APOE: variants seen among roughly 807,000 people sequenced by gnomAD.
The protein encoded by APOE is apolipoprotein E3.
APOE carries 10 observed loss-of-function variants against 13.1 expected under a neutral mutation model. The ratio of observed to expected loss-of-function variants is 0.76; its 90% CI spans 0.47 to 1.29. APOE has a LOEUF of 1.29. Among genes scored for constraint, APOE ranks in the 50% most tolerant of loss-of-function variants. APOE has a pLI of 0.00. For missense variants in APOE, 471 were observed against 459.6 expected, an observed-to-expected ratio of 1.02 and a Z score of -0.23; for synonymous variants, 211 against 207.1, an observed-to-expected ratio of 1.02 and a Z score of -0.16.
At position 44,908,566 on chromosome 19, in the gene APOE, G is replaced by A; in HGVS notation, c.270G>A (p.Lys90=). ...ALMDETMKEL[K]AYKSELEEQL... The stretch of plus-strand genomic sequence containing the variant: ...TGGACGAGACCATGAAGGAGTTGAA[G>A]GCCTACAAATCGGAACTGGAGGAAC... Residue 90 remains lysine (K), a synonymous_variant, in exon 4 of 4, where the codon AAG becomes AAA. Coordinates refer to ENST00000252486, the MANE Select transcript of APOE (RefSeq NM_000041.4). The A allele has an allele frequency of 6.2e-7, 1 of 1,613,724 alleles. No individual in the cohort carries two copies. Among genetic ancestry groups the A allele is most frequent in the Non-Finnish European group, 8.5e-7 (1 of 1,179,708 alleles).
At chr19:44,905,956 T>G in intron 1 of APOE, 115 bp downstream of exon 1, 1 of 1,285,364 alleles carries the variant, frequency 7.8e-7, no homozygotes, top group South Asian at 1.3e-5. Flanking sequence ...GGGTCGGGCT[T>G]GGGGAGAGGA....
chr19:44,909,107 C>T lies in APOE; in HGVS notation c.811C>T (p.Gln271Ter). 3 of 1,589,686 alleles carry T rather than the reference C, an allele frequency of 1.9e-6. No homozygotes were observed. Among genetic ancestry groups the T allele is most frequent in the Non-Finnish European group, 1.7e-6 (2 of 1,173,304 alleles). ...GGAGCAGGCCCAGCAGATACGCCTG[C>T]AGGCCGAGGCCTTCCAGGCCCGCCT... ...LEEQAQQIRLQAEAFQARLKS... is the reference protein window; with the variant it reads ...LEEQAQQIRL The change falls in exon 4 of 4, where the codon CAG becomes TAG. Residue 271 changes from glutamine (Q) to a stop codon, truncating the protein, a stop_gained. Transcript: ENST00000252486. LOFTEE classifies it low-confidence loss of function (END_TRUNC).
In APOE at chr19:44,907,585, A is replaced by G. The variant is rs766591328; in HGVS notation, c.44-175A>G. ...GCACTCCAGCCTGGGTGACAGAGCA[A>G]GACCCTGTTTATAAATACATAATGC... On this transcript the variant is annotated intron_variant, in intron 2 of 3. Transcript: ENST00000252486. This position sits in a 1 kb window ranked among gnomAD's most constrained non-coding sequence, Gnocchi z 4.1. 6.6e-6 allele frequency among the ~76,000 whole-genome samples: 1 copy of G among 152,182 alleles called. No homozygotes were observed. The highest frequency in any genetic ancestry group is 1.5e-5 in the Non-Finnish European group (1 of 68,032).
At position 44,906,639 on chromosome 19, in the gene APOE, G is replaced by A. The variant is rs777551553; in HGVS notation, c.15G>A (p.Trp5Ter). 1.2e-6 allele frequency: 2 copies of A among 1,614,068 alleles called. No homozygotes were observed. The highest frequency in any genetic ancestry group is 8.5e-7 in the Non-Finnish European group (1 of 1,180,006). MKVL[W>*]AALLVTFLAG... ...CAGGCAGGAAGATGAAGGTTCTGTG[G>A]GCTGCGTTGCTGGTCACATTCCTGG... The change falls in exon 2 of 4, where the codon TGG (tryptophan) becomes TGA (stop). Residue 5 changes from tryptophan (W) to a stop codon, truncating the protein, a stop_gained. Transcript: ENST00000252486. LOFTEE classifies it high-confidence loss of function.
In APOE at chr19:44,907,824, C is replaced by G. The variant is rs755434388; in HGVS notation, c.108C>G (p.Thr36=). Residue 36 remains threonine, a synonymous_variant, in exon 3 of 4, where the codon ACC becomes ACG. Transcript: ENST00000252486. This position sits in a 1 kb window ranked among gnomAD's most constrained non-coding sequence, Gnocchi z 4.1. The stretch of plus-strand genomic sequence containing the variant: ...CGGAGCCCGAGCTGCGCCAGCAGAC[C>G]GAGTGGCAGAGCGGCCAGCGCTGGG... ...TEPEPELRQQ[T]EWQSGQRWEL... is the part of the protein sequence containing the mutation. The G allele has an allele frequency of 1.1e-5, 18 of 1,613,940 alleles. 1 individual carries two copies. The Middle Eastern group carries it at 2.3e-3, about 207-fold the overall frequency.
In APOE at chr19:44,905,856, C is replaced by T. The variant is rs9282609; in HGVS notation, c.-24+15C>T. 1,809 of 1,293,490 alleles carry T rather than the reference C, an allele frequency of 1.4e-3. 23 individuals carry two copies. The African/African-American group carries it at 0.025, about 18-fold the overall frequency. 80.1% of individuals were successfully genotyped at this position (1,293,490 alleles called of 1,614,324 possible). A position where few individuals can be genotyped will look rare whatever the true frequency, so the allele number is the denominator to read the frequency against. ...CCCAGGAGCCGGTGAGAAGCGCAGT[C>T]GGGGGCACGGGGATGAGCTCAGGGG... is the stretch of plus-strand genomic sequence containing the variant. On this transcript the variant is annotated intron_variant, in intron 1 of 3. Coordinates refer to ENST00000252486, the MANE Select transcript of APOE (RefSeq NM_000041.4).
chr19:44,907,784 C>G lies in APOE; in HGVS notation c.68C>G (p.Ala23Gly). The G allele has an allele frequency of 3.1e-6, 5 of 1,612,538 alleles. No homozygotes were observed. The highest frequency in any genetic ancestry group is 2.5e-6 in the Non-Finnish European group (3 of 1,179,788). The part of the protein sequence containing the change: ...LAGCQAKVEQ[A>G]VETEPEPELR... The stretch of plus-strand genomic sequence containing the variant: ...GGATGCCAGGCCAAGGTGGAGCAAG[C>G]GGTGGAGACAGAGCCGGAGCCCGAG... The change falls in exon 3 of 4, where the codon GCG becomes GGG. Residue 23 changes from alanine to glycine, a missense_variant. Transcript: ENST00000252486. This position sits in a 1 kb window ranked among gnomAD's most constrained non-coding sequence, Gnocchi z 4.1.
chr19:44,906,551 G>C, intron 1 of APOE, 51 bp from the exon 2 acceptor site: 1 of 1,606,264 alleles, frequency 6.2e-7, no homozygotes, highest in South Asian at 1.1e-5. Context: ...GCCGGGCTGG[G>C]GGTGGGAGGA....
chr19:44,907,670 T>G lies in APOE; in HGVS notation c.44-90T>G. The G allele has an allele frequency of 6.7e-6, 8 of 1,200,084 alleles. No homozygotes were observed. The highest frequency in any genetic ancestry group is 9.5e-6 in the Non-Finnish European group (8 of 839,766). The allele number at this position is 1,200,084 out of a possible 1,614,324, so 74.3% of individuals were successfully genotyped here. ...TGCCCACCATGGCTCCAAAGAAGCA[T>G]TTGTGGAGCACCTTCTGTGTGCCCC... On this transcript the variant is annotated intron_variant, in intron 2 of 3. Coordinates refer to ENST00000252486, the MANE Select transcript of APOE (RefSeq NM_000041.4). This position sits in a 1 kb window ranked among gnomAD's most constrained non-coding sequence, Gnocchi z 4.1.
At chr19:44,908,459 C>T (rs1265946610) in intron 3 of APOE, 74 bp from the exon 4 acceptor site, 2 of 1,490,268 alleles carry the variant, frequency 1.3e-6, no homozygotes, top group Non-Finnish European at 1.9e-6. Context: ...GGCTCATCCC[C>T]ATCTCGCCCG....
chr19:44,907,950 G>A lies in APOE; in HGVS notation c.234G>A (p.Leu78=). 6.2e-7 allele frequency: 1 copy of A among 1,613,072 alleles called. No individual in the cohort carries two copies. The highest frequency in any genetic ancestry group is 8.5e-7 in the Non-Finnish European group (1 of 1,179,738). The change falls in exon 3 of 4, where the codon CTG becomes CTA. Residue 78 remains leucine (L), a splice_region_variant and synonymous_variant. Coordinates refer to ENST00000252486, the MANE Select transcript of APOE (RefSeq NM_000041.4). This position sits in a 1 kb window ranked among gnomAD's most constrained non-coding sequence, Gnocchi z 4.1. The stretch of plus-strand genomic sequence containing the variant: ...TCAGCTCCCAGGTCACCCAGGAACT[G>A]AGGTGAGTGTCCCCATCCTGGCCCT... ...ELLSSQVTQE[L]RALMDETMKE...
At position 44,908,541 on chromosome 19, in the gene APOE, T is replaced by G. The variant is rs1407867184; in HGVS notation, c.245T>G (p.Met82Arg). The G allele has an allele frequency of 6.2e-7, 1 of 1,613,518 alleles. No homozygotes were observed. The highest frequency in any genetic ancestry group is 1.7e-5 in the Admixed American group (1 of 59,986). Residue 82 changes from methionine to arginine, a missense_variant, in exon 4 of 4, where the codon ATG (methionine) becomes AGG (arginine). Coordinates refer to ENST00000252486, the MANE Select transcript of APOE (RefSeq NM_000041.4). ...CGCCCTCTCGGCCGCAGGGCGCTGA[T>G]GGACGAGACCATGAAGGAGTTGAAG... ...SQVTQELRAL[M>R]DETMKELKAY...
Position 44,907,670 on chromosome 19 carries a change from T to A in APOE, c.44-90T>A, listed in dbSNP as rs1969832451. On this transcript the variant is annotated intron_variant, in intron 2 of 3. Coordinates refer to ENST00000252486, the MANE Select transcript of APOE (RefSeq NM_000041.4). The surrounding 1 kb of genome is among the most constrained non-coding windows in gnomAD (Gnocchi z 4.1). ...TGCCCACCATGGCTCCAAAGAAGCA[T>A]TTGTGGAGCACCTTCTGTGTGCCCC... 4 of 1,199,970 alleles carry A rather than the reference T, an allele frequency of 3.3e-6. No individual in the cohort carries two copies. The Admixed American group carries it at 5.9e-5, about 18-fold the overall frequency. 74.3% of individuals were successfully genotyped at this position (1,199,970 alleles called of 1,614,324 possible).
At position 44,909,234 on chromosome 19, in the gene APOE, C is replaced by T; in HGVS notation, c.938C>T (p.Pro313Leu). 6.3e-7 allele frequency: 1 copy of T among 1,596,932 alleles called. No homozygotes were observed. Among genetic ancestry groups the T allele is most frequent in the Non-Finnish European group, 8.5e-7 (1 of 1,179,292 alleles). ...GTGGGCACCAGCGCCGCCCCTGTGC[C>T]CAGCGACAATCACTGAACGCCGAAG... ...AAVGTSAAPV[P>L]SDNH Residue 313 changes from proline to leucine, a missense_variant, in exon 4 of 4, where the codon CCC becomes CTC. Coordinates refer to ENST00000252486, the MANE Select transcript of APOE (RefSeq NM_000041.4).
chr19:44,908,973 A>G lies in APOE; in HGVS notation c.677A>G (p.Gln226Arg). The stretch of plus-strand genomic sequence containing the variant: ...GGCCAGCCGCTACAGGAGCGGGCCC[A>G]GGCCTGGGGCGAGCGGCTGCGCGCG... ...LAGQPLQERA[Q>R]AWGERLRARM... Residue 226 changes from glutamine (Q) to arginine (R), a missense_variant, in exon 4 of 4, where the codon CAG becomes CGG. Transcript: ENST00000252486. The G allele has an allele frequency of 6.5e-7, 1 of 1,530,418 alleles. No homozygotes were observed. Among genetic ancestry groups the G allele is most frequent in the Non-Finnish European group, 8.7e-7 (1 of 1,144,326 alleles). The allele number at this position is 1,530,418 out of a possible 1,614,324, so 94.8% of individuals were successfully genotyped here. A position where few individuals can be genotyped will look rare whatever the true frequency, so the allele number is the denominator to read the frequency against.
Position 44,907,048 on chromosome 19 carries a change from C to CTTTT in APOE, c.43+384_43+387dup, listed in dbSNP as rs1969822538. The CTTTT allele has an allele frequency of 3.8e-6, 1 of 263,634 alleles. No homozygotes were observed. The highest frequency in any genetic ancestry group is 4.5e-5 in the South Asian group (1 of 22,036). The allele number at this position is 263,634 out of a possible 1,614,324, so 16.3% of individuals were successfully genotyped here. ...GGCACATGCCACCACACCCGACTAA[C>CTTTT]TTTTTTGTATTTTCAGTAGAGACGG... is the stretch of plus-strand genomic sequence containing the variant. On this transcript the variant is annotated intron_variant, in intron 2 of 3. Coordinates refer to ENST00000252486, the MANE Select transcript of APOE (RefSeq NM_000041.4). The surrounding 1 kb of genome is among the most constrained non-coding windows in gnomAD (Gnocchi z 4.1).
Position 44,907,810 on chromosome 19 carries a change from C to T in APOE, c.94C>T (p.Leu32=). The T allele has an allele frequency of 6.2e-7, 1 of 1,613,912 alleles. No homozygotes were observed. The highest frequency in any genetic ancestry group is 8.5e-7 in the Non-Finnish European group (1 of 1,179,964). The change falls in exon 3 of 4, where the codon CTG becomes TTG. Residue 32 remains leucine (L), a synonymous_variant. Coordinates refer to ENST00000252486, the MANE Select transcript of APOE (RefSeq NM_000041.4). This position sits in a 1 kb window ranked among gnomAD's most constrained non-coding sequence, Gnocchi z 4.1. ...GGTGGAGACAGAGCCGGAGCCCGAG[C>T]TGCGCCAGCAGACCGAGTGGCAGAG... is the stretch of plus-strand genomic sequence containing the variant. ...QAVETEPEPE[L]RQQTEWQSGQ...
rs1238565583 is a variant in APOE, at chr19:44,909,000, G to A, written c.704G>A (p.Arg235Gln). 3 of 1,535,074 alleles carry A rather than the reference G, an allele frequency of 2.0e-6. No homozygotes were observed. The change falls in exon 4 of 4, where the codon CGG becomes CAG. Residue 235 changes from arginine (R) to glutamine (Q), a missense_variant. Transcript: ENST00000252486. ...AQAWGERLRA[R>Q]MEEMGSRTRD... ...GCCTGGGGCGAGCGGCTGCGCGCGC[G>A]GATGGAGGAGATGGGCAGCCGGACC...
chr19:44,907,237 G>C lies in APOE; in HGVS notation c.44-523G>C, dbSNP rs1021908335. The C allele has an allele frequency of 4.7e-6, 1 of 210,638 alleles. No individual in the cohort carries two copies. Among genetic ancestry groups the C allele is most frequent in the East Asian group, 1.1e-4 (1 of 8,940 alleles). 13.0% of individuals were successfully genotyped at this position (210,638 alleles called of 1,614,324 possible). On this transcript the variant is annotated intron_variant, in intron 2 of 3. Transcript: ENST00000252486. This position sits in a 1 kb window ranked among gnomAD's most constrained non-coding sequence, Gnocchi z 4.1. ...GCAGATAGTGAATACCAGACACGGG[G>C]CAGCTGTGATCTTTATTCTCCATCA...
Sources: allele counts gnomAD v4.1 joint callset (sites outside exome capture counted in the v4.1 genomes callset), GRCh38; gene constraint gnomAD v4.1.1; non-coding constraint Gnocchi (gnomAD v3.1); transcripts MANE v1.5; gene names NCBI Gene and HGNC (gene_info 2026-07-23, HGNC 2026-07-21).